EYS: variants seen among roughly 807,000 people sequenced by gnomAD.
EYS encodes protein eyes shut homolog.
Under a neutral mutation model 282.1 loss-of-function variants are expected in EYS, and 250 were observed. The observed-to-expected ratio is 0.89, with a 90% CI of 0.80 to 0.98. EYS has a LOEUF of 0.98. Ranked by LOEUF, EYS falls within the 50% of genes least tolerant of loss-of-function variation. The probability of loss-of-function intolerance (pLI) is 0.00; values close to 1 mark genes in which losing one functional copy is unlikely to be tolerated. For missense variants in EYS, 4,016 were observed against 3,709.0 expected (o/e 1.08, Z -2.15); for synonymous variants, 1,355 against 1,282.9 (o/e 1.06, Z -1.20).
intron 22 of EYS, among the ~76,000 whole-genome samples, chr6:64,802,017 C>CTTTTTTTTTTTTTTTTTTTTTTTTTTT (rs1157712956): frequency 1.7e-5 from 1 of 57,640 alleles, no homozygotes; most frequent in Non-Finnish European, 3.6e-5. Flanking sequence ...TAACAAATTT[C>CTTTTTTTTTTTTTTTTTTTTTTTTTTT]TTTTTCTTTT....
chr6:64,346,094 A>G (rs563178941), intron 29 of EYS, among the ~76,000 whole-genome samples: 1 of 152,174 alleles, frequency 6.6e-6, no homozygotes, highest in Admixed American at 6.5e-5. Context: ...ACACTTGTAC[A>G]CTGTTGGTGG....
chr6:64,933,761 G>A (rs1335554302), intron 15 of EYS, among the ~76,000 whole-genome samples: 1 of 151,988 alleles, frequency 6.6e-6, no homozygotes, highest in Non-Finnish European at 1.5e-5. Flanking sequence ...GATTGGATAA[G>A]GAAAATGTGG....
intron 12 of EYS, among the ~76,000 whole-genome samples, chr6:65,070,131 C>T (rs1382085076): frequency 1.3e-5 from 2 of 151,930 alleles, no homozygotes; most frequent in South Asian, 2.1e-4. Flanking sequence ...ACTATCTAAT[C>T]CTGATTGTCA....
chr6:63,982,873 A>G (rs1284228072), intron 35 of EYS, among the ~76,000 whole-genome samples: 1 of 151,810 alleles, frequency 6.6e-6, no homozygotes, highest in Non-Finnish European at 1.5e-5. Context: ...GAAAATATTT[A>G]CTTAGGTTGA....
At chr6:65,039,429 AC>A (rs1400460700) in intron 13 of EYS, among the ~76,000 whole-genome samples, 1 of 151,388 alleles carries the variant, frequency 6.6e-6, no homozygotes, top group Non-Finnish European at 1.5e-5. Context: ...CAATTTGTCA[AC>A]TTTTTCTTGT....
intron 22 of EYS, among the ~76,000 whole-genome samples, chr6:64,805,620 G>C (rs1444099998): frequency 6.6e-6 from 1 of 151,514 alleles, no homozygotes; most frequent in South Asian, 2.1e-4. Context: ...AGGTGTGTAA[G>C]GTATTACATT....
At chr6:64,545,861 G>T (rs556166499) in intron 26 of EYS, among the ~76,000 whole-genome samples, 4 of 152,250 alleles carry the variant, frequency 2.6e-5, no homozygotes, top group African/African-American at 7.2e-5. Context: ...ACTGCTCAAT[G>T]AAATAAAAGA....
intron 24 of EYS, among the ~76,000 whole-genome samples, chr6:64,596,974 A>G (rs1358956215): frequency 1.3e-5 from 2 of 152,306 alleles, no homozygotes; most frequent in South Asian, 2.1e-4. Context: ...ACAGGGAACT[A>G]ATATTTAAAA....
chr6:64,804,151 T>C (rs1764354611), intron 22 of EYS, among the ~76,000 whole-genome samples: 1 of 152,190 alleles, frequency 6.6e-6, no homozygotes, highest in Admixed American at 6.5e-5. Flanking sequence ...TACAATAAAA[T>C]TGTTATTTAT....
At chr6:64,681,832 C>A (rs1197323594) in intron 22 of EYS, among the ~76,000 whole-genome samples, 1 of 152,146 alleles carries the variant, frequency 6.6e-6, no homozygotes, top group East Asian at 1.9e-4. Context: ...AGAGTACTTG[C>A]AGAAGCGAGA....
At chr6:64,293,846 C>T (rs1018362127) in intron 30 of EYS, among the ~76,000 whole-genome samples, 14 of 152,078 alleles carry the variant, frequency 9.2e-5, no homozygotes, top group Admixed American at 7.9e-4. Context: ...CATTAGATTA[C>T]ATGTGAGTGC....
chr6:65,266,164 T>A (rs1215072795), intron 12 of EYS, among the ~76,000 whole-genome samples: 2 of 151,946 alleles, frequency 1.3e-5, no homozygotes, highest in African/African-American at 2.4e-5. Flanking sequence ...CTTCAGATAA[T>A]TGGTATAACT....
At chr6:64,577,588 T>C (rs1024639852) in intron 26 of EYS, among the ~76,000 whole-genome samples, 2 of 152,046 alleles carry the variant, frequency 1.3e-5, no homozygotes, top group African/African-American at 4.8e-5. Flanking sequence ...TTAAATATTA[T>C]AGTTAAGTAG....
chr6:64,015,634 A>G (rs917894756), intron 33 of EYS, among the ~76,000 whole-genome samples: 1 of 152,220 alleles, frequency 6.6e-6, no homozygotes, highest in South Asian at 2.1e-4. Context: ...TGCCTATTAT[A>G]TAAGAAATGT....
chr6:64,414,691 T>C (rs1367631334), intron 28 of EYS, among the ~76,000 whole-genome samples: 1 of 152,202 alleles, frequency 6.6e-6, no homozygotes, highest in African/African-American at 2.4e-5. Context: ...CACTGTAGTA[T>C]AATACTTGGC....
chr6:65,405,437 T>C lies in EYS; in HGVS notation c.863-70A>G, dbSNP rs1766696447. Reference sequence around the variant, plus strand: ...GAAAGAAGAAATGAGCATAGATATGTAGCAAAACATTCTAGAAAATTTCTC... The same window carrying C: ...GAAAGAAGAAATGAGCATAGATATGCAGCAAAACATTCTAGAAAATTTCTC... On this transcript the variant is annotated intron_variant, in intron 5 of 42. Coordinates refer to ENST00000503581, the MANE Select transcript of EYS (RefSeq NM_001142800.2). 32 of 1,166,152 alleles carry C rather than the reference T, an allele frequency of 2.7e-5. No individual in the cohort carries two copies. The South Asian group carries it at 3.3e-4, about 12-fold the overall frequency. 72.2% of individuals were successfully genotyped at this position (1,166,152 alleles called of 1,614,324 possible).
chr6:64,202,015 G>A (rs766922701), intron 31 of EYS, among the ~76,000 whole-genome samples: 14 of 152,176 alleles, frequency 9.2e-5, no homozygotes, highest in Non-Finnish European at 1.5e-4. Context: ...ACAGTGCCAA[G>A]CTTGAAAAGC....
At chr6:64,803,280 T>C (rs1764315585) in intron 22 of EYS, among the ~76,000 whole-genome samples, 1 of 151,732 alleles carries the variant, frequency 6.6e-6, no homozygotes, top group Non-Finnish European at 1.5e-5. Flanking sequence ...AGGTTGACCC[T>C]ACAAGTCAAG....
chr6:64,169,867 C>T (rs1764422694), intron 31 of EYS, among the ~76,000 whole-genome samples: 1 of 152,044 alleles, frequency 6.6e-6, no homozygotes, highest in Non-Finnish European at 1.5e-5. Flanking sequence ...AGCCTTAGAC[C>T]ACTGGAGTCT....
Sources: allele counts gnomAD v4.1 joint callset (sites outside exome capture counted in the v4.1 genomes callset), GRCh38; gene constraint gnomAD v4.1.1; transcripts MANE v1.5; gene names NCBI Gene and HGNC (gene_info 2026-07-23, HGNC 2026-07-21).